The following FMN2 variants were observed in gnomAD, a reference collection of about 807,000 sequenced individuals.
FMN2 encodes formin 2.
In FMN2, 51 loss-of-function variants were observed where a neutral mutation model predicts 142.3. The observed-to-expected ratio is 0.36, with a 90% CI of 0.29 to 0.45. The LOEUF (loss-of-function observed/expected upper bound fraction) is 0.45, where lower values mean the gene tolerates loss of function less well. FMN2 is among the 20% of genes least tolerant of loss of function. The probability of loss-of-function intolerance (pLI) is 1.00; values close to 1 mark genes in which losing one functional copy is unlikely to be tolerated. For synonymous variants in FMN2, 882 were observed against 869.8 expected, an observed-to-expected ratio of 1.01 and a Z score of -0.25; for missense variants, 1,936 against 2,122.8, an observed-to-expected ratio of 0.91 and a Z score of 1.73.
chr1:240,299,458 A>G (rs945064865), intron 8 of FMN2, among the ~76,000 whole-genome samples: 1 of 152,204 alleles, frequency 6.6e-6, no homozygotes, highest in African/African-American at 2.4e-5. Context: ...TTTCTTAAAA[A>G]TAAGGTAATT....
chr1:240,169,417 G>T (rs886392131), intron 2 of FMN2, among the ~76,000 whole-genome samples: 22 of 152,146 alleles, frequency 1.4e-4, no homozygotes, highest in Admixed American at 1.2e-3. Flanking sequence ...GCCTGAGATA[G>T]ATTTATCTAC....
At chr1:240,284,405 C>A (rs1669515996) in intron 7 of FMN2, among the ~76,000 whole-genome samples, 1 of 152,086 alleles carries the variant, frequency 6.6e-6, no homozygotes, top group East Asian at 1.9e-4. Context: ...CTCATCTAGA[C>A]CCTGTGTTTT....
chr1:240,300,288 C>T (rs778373427), intron 8 of FMN2, among the ~76,000 whole-genome samples: 1 of 152,136 alleles, frequency 6.6e-6, no homozygotes, highest in Non-Finnish European at 1.5e-5. Context: ...GCTATTTAAT[C>T]CCATTAAATG....
intron 6 of FMN2, among the ~76,000 whole-genome samples, chr1:240,217,154 A>G (rs572732434): frequency 6.6e-6 from 1 of 152,320 alleles, no homozygotes; most frequent in Admixed American, 6.5e-5. Flanking sequence ...CTGCCACTGT[A>G]TTATTGGCTG....
At chr1:240,171,883 A>G (rs1231148407) in intron 2 of FMN2, among the ~76,000 whole-genome samples, 3 of 80,866 alleles carry the variant, frequency 3.7e-5, no homozygotes, top group African/African-American at 1.7e-4. Flanking sequence ...TCATATGCCT[A>G]TGGTAGAAAG....
intron 5 of FMN2, among the ~76,000 whole-genome samples, chr1:240,209,630 T>C (rs61829163): frequency 0.99 from 150,090 of 150,996 alleles, 74,597 homozygotes; most frequent in East Asian, 1. Context: ...CCTGTCCGGG[T>C]GCGGTGGCTC....
intron 14 of FMN2, 43 bp downstream of exon 14, chr1:240,355,951 CAAAAAA>C (rs58002724): frequency 7.9e-5 from 20 of 252,960 alleles, no homozygotes; most frequent in African/African-American, 3.5e-4. Context: ...CCCCTTTCAG[CAAAAAA>C]AAAAAAAAAA....
chr1:240,133,031 GT>G (rs904702568), intron 2 of FMN2, among the ~76,000 whole-genome samples: 4 of 152,178 alleles, frequency 2.6e-5, no homozygotes, highest in African/African-American at 9.7e-5. Flanking sequence ...CTTCTAGTGG[GT>G]AGAGACTGGG....
chr1:240,180,428 C>A (rs1437472228), intron 3 of FMN2, among the ~76,000 whole-genome samples: 1 of 152,060 alleles, frequency 6.6e-6, no homozygotes, highest in Non-Finnish European at 1.5e-5. Context: ...CCTTTGCCTA[C>A]AGTCTCATGT....
At chr1:240,441,137 G>T (rs935590859) in intron 16 of FMN2, among the ~76,000 whole-genome samples, 1 of 151,718 alleles carries the variant, frequency 6.6e-6, no homozygotes, top group Non-Finnish European at 1.5e-5. Context: ...TGAGACTACA[G>T]GTGCCCGCCT....
At chr1:240,329,251 C>T in intron 9 of FMN2, 84 bp downstream of exon 9, 3 of 1,595,208 alleles carry the variant, frequency 1.9e-6, no homozygotes, top group African/African-American at 1.3e-5. Flanking sequence ...GCGGTGTCTT[C>T]AGTGCATACT....
chr1:240,249,666 G>A (rs796431589), intron 6 of FMN2, among the ~76,000 whole-genome samples: 19 of 152,136 alleles, frequency 1.2e-4, no homozygotes, highest in African/African-American at 4.3e-4. Context: ...GATAAGGATT[G>A]CACTGGATCT....
At chr1:240,257,483 C>G (rs1163376439) in intron 6 of FMN2, among the ~76,000 whole-genome samples, 1 of 152,210 alleles carries the variant, frequency 6.6e-6, no homozygotes, top group Non-Finnish European at 1.5e-5. Flanking sequence ...CCAAACTAAT[C>G]TAGCAGATTC....
chr1:240,376,598 T>A (rs1305030822), intron 14 of FMN2, among the ~76,000 whole-genome samples: 1 of 152,160 alleles, frequency 6.6e-6, no homozygotes, highest in Admixed American at 6.5e-5. Context: ...ATAACAACTG[T>A]TTACATAGTA....
At chr1:240,144,241 G>T in intron 2 of FMN2, 1 of 1,579,488 alleles carries the variant, frequency 6.3e-7, no homozygotes, top group Non-Finnish European at 8.7e-7. Flanking sequence ...CATTCACAAA[G>T]CCACTCACAA....
At chr1:240,437,292 C>CTTTTTTTTTTT (rs10649766) in intron 15 of FMN2, among the ~76,000 whole-genome samples, 1 of 117,396 alleles carries the variant, frequency 8.5e-6, no homozygotes, top group African/African-American at 3.5e-5. Flanking sequence ...GCATCTCTTG[C>CTTTTTTTTTTT]TTTTTTTTTT....
intron 4 of FMN2, among the ~76,000 whole-genome samples, chr1:240,196,897 G>A (rs1487508079): frequency 6.6e-6 from 1 of 152,168 alleles, no homozygotes; most frequent in Non-Finnish European, 1.5e-5. Context: ...ACAGGCAAAG[G>A]AGTATTTTGT....
intron 6 of FMN2, among the ~76,000 whole-genome samples, chr1:240,240,795 A>T (rs1338081250): frequency 1.3e-5 from 2 of 152,240 alleles, no homozygotes; most frequent in African/African-American, 2.4e-5. Flanking sequence ...AGCTCAGCAG[A>T]CTTGTATGCA....
intron 2 of FMN2, chr1:240,171,345 C>G: frequency 3.2e-6 from 2 of 626,330 alleles, no homozygotes; most frequent in South Asian, 3.7e-5. Context: ...TGGGAGCAGC[C>G]TAACAGGCAG....
Sources: gnomAD v4.1 joint callset for allele counts (sites outside exome capture counted in the v4.1 genomes callset) on GRCh38, gnomAD v4.1.1 for gene constraint, MANE v1.5 for transcripts, NCBI Gene and HGNC (gene_info 2026-07-23, HGNC 2026-07-21) for gene names.